Variants in NECAB1 observed in about 807,000 individuals in gnomAD.
NECAB1 encodes the protein N-terminal EF-hand calcium binding protein 1.
Under a neutral mutation model 57.5 loss-of-function variants are expected in NECAB1, and 29 were observed. The ratio of observed to expected loss-of-function variants is 0.50; its 90% CI spans 0.38 to 0.69. NECAB1 has a LOEUF of 0.69. Ranked by LOEUF, NECAB1 falls within the 30% of genes least tolerant of loss-of-function variation. The probability of loss-of-function intolerance (pLI) is 0.00; values close to 1 mark genes in which losing one functional copy is unlikely to be tolerated. For synonymous variants in NECAB1, 142 were observed against 147.7 expected (o/e 0.96, Z 0.28); for missense variants, 372 against 413.8 (o/e 0.90, Z 0.88).
chr8:90,837,935 A>G (rs1383837146), intron 3 of NECAB1, among the ~76,000 whole-genome samples: 1 of 152,044 alleles, frequency 6.6e-6, no homozygotes, highest in African/African-American at 2.4e-5. Flanking sequence ...CTAGCCCCAA[A>G]TTTTTGCCCT....
chr8:90,823,246 C>G (rs748068103), intron 2 of NECAB1, among the ~76,000 whole-genome samples: 100 of 151,832 alleles, frequency 6.6e-4, no homozygotes, highest in Non-Finnish European at 1.0e-3. Context: ...TATTCTACCT[C>G]TAAGGCTGTG....
In NECAB1 at chr8:90,849,589, A is replaced by T. The variant is rs1295212772; in HGVS notation, c.234-22539A>T. Among the ~76,000 whole-genome samples, 7 of 150,800 alleles carry T rather than the reference A, an allele frequency of 4.6e-5. No individual in the cohort carries two copies. The East Asian group carries it at 1.4e-3, about 29-fold the overall frequency. ...CCAGATAAGATTGACTTATAGGTTA[A>T]TATAGCAGAATAATTTGAATTGTTA... On this transcript the variant is annotated intron_variant, in intron 3 of 12. Coordinates refer to ENST00000417640, the MANE Select transcript of NECAB1 (RefSeq NM_022351.5).
At chr8:90,864,301 G>GAGGAAGGAAGCAAAGGTGGA (rs1363578056) in intron 3 of NECAB1, among the ~76,000 whole-genome samples, 27 of 126,488 alleles carry the variant, frequency 2.1e-4, no homozygotes, top group African/African-American at 7.2e-4. Flanking sequence ...GGAAGGAAGG[G>GAGGAAGGAAGCAAAGGTGGA]AGGAAGGAAG....
chr8:90,862,751 T>C (rs1008115659), intron 3 of NECAB1, among the ~76,000 whole-genome samples: 1 of 150,692 alleles, frequency 6.6e-6, no homozygotes, highest in African/African-American at 2.4e-5. Flanking sequence ...AGAAATTCTA[T>C]TGAATGTTGG....
chr8:90,842,686 T>C (rs1812474388), intron 3 of NECAB1, among the ~76,000 whole-genome samples: 1 of 152,262 alleles, frequency 6.6e-6, no homozygotes, highest in African/African-American at 2.4e-5. Flanking sequence ...GCATTTTCTG[T>C]AACAACACAA....
intron 2 of NECAB1, among the ~76,000 whole-genome samples, chr8:90,823,575 G>A (rs1812179937): frequency 6.6e-6 from 1 of 151,856 alleles, no homozygotes; most frequent in African/African-American, 2.4e-5. Context: ...TCCAGGCAAT[G>A]TGTGGGCCAT....
intron 6 of NECAB1, among the ~76,000 whole-genome samples, chr8:90,922,485 G>GTTTTTTTTTTTTTTTTTTTTTTTTT (rs1586127873): frequency 3.1e-5 from 2 of 65,218 alleles, no homozygotes; most frequent in Admixed American, 2.3e-4. Context: ...CAAAAACTTG[G>GTTTTTTTTTTTTTTTTTTTTTTTTT]ATTTTTTTTT....
intron 10 of NECAB1, among the ~76,000 whole-genome samples, chr8:90,941,934 C>T (rs1251983265): frequency 1.3e-5 from 2 of 152,158 alleles, no homozygotes; most frequent in African/African-American, 4.8e-5. Flanking sequence ...TTTCATAATG[C>T]TCTTCAAATG....
At chr8:90,825,304 C>G (rs1812207351) in intron 3 of NECAB1, among the ~76,000 whole-genome samples, 2 of 151,772 alleles carry the variant, frequency 1.3e-5, no homozygotes. Context: ...TCTGGAGAGC[C>G]AATGTATATG....
chr8:90,889,839 C>A (rs1458622806), intron 5 of NECAB1, among the ~76,000 whole-genome samples: 2 of 152,204 alleles, frequency 1.3e-5, no homozygotes, highest in Admixed American at 1.3e-4. Context: ...CTGCCATGTT[C>A]TATTACTAGA....
intron 5 of NECAB1, among the ~76,000 whole-genome samples, chr8:90,882,047 G>A (rs1379220604): frequency 6.6e-6 from 1 of 152,136 alleles, no homozygotes; most frequent in South Asian, 2.1e-4. Flanking sequence ...GCTAGGGAGG[G>A]CCCACATCTT....
intron 5 of NECAB1, among the ~76,000 whole-genome samples, chr8:90,885,321 T>C (rs1352159): frequency 0.54 from 81,316 of 151,950 alleles, 25,849 homozygotes; most frequent in African/African-American, 0.87. Flanking sequence ...TACCTGGCAA[T>C]CATGTCACTG....
chr8:90,861,585 G>C lies in NECAB1; in HGVS notation c.234-10543G>C, dbSNP rs560708212. Among the ~76,000 whole-genome samples the C allele has an allele frequency of 5.3e-5, 8 of 152,154 alleles. No homozygotes were observed. The South Asian group carries it at 1.7e-3, about 32-fold the overall frequency. On this transcript the variant is annotated intron_variant, in intron 3 of 12. Transcript: ENST00000417640. ...ATGACCAGGAGTCTCTTACCCCTTTGGTCTGCTGAAGCATAATTATCTAAG... is the reference window on the plus strand; with the variant it reads ...ATGACCAGGAGTCTCTTACCCCTTTCGTCTGCTGAAGCATAATTATCTAAG...
At chr8:90,895,857 C>T (rs575429586) in intron 5 of NECAB1, among the ~76,000 whole-genome samples, 499 of 152,302 alleles carry the variant, frequency 3.3e-3, no homozygotes, top group Non-Finnish European at 6.0e-3. Flanking sequence ...GGACTGTTTT[C>T]CTTCCTTTAA....
At chr8:90,842,422 G>A (rs1812470458) in intron 3 of NECAB1, among the ~76,000 whole-genome samples, 1 of 152,188 alleles carries the variant, frequency 6.6e-6, no homozygotes, top group Non-Finnish European at 1.5e-5. Context: ...TGGAGGGTAG[G>A]AGTGAGGGTT....
chr8:90,925,303 A>G (rs761612240), intron 6 of NECAB1, among the ~76,000 whole-genome samples: 4 of 152,152 alleles, frequency 2.6e-5, no homozygotes, highest in African/African-American at 9.7e-5. Flanking sequence ...TTAAATTACA[A>G]TTTTTACTCA....
chr8:90,869,621 C>G (rs777948584), intron 3 of NECAB1, among the ~76,000 whole-genome samples: 1 of 152,118 alleles, frequency 6.6e-6, no homozygotes, highest in African/African-American at 2.4e-5. Context: ...ACCTGTAGCC[C>G]TTTTTGTGTT....
At chr8:90,954,101 A>G (rs1000958229) in intron 12 of NECAB1, among the ~76,000 whole-genome samples, 3 of 150,878 alleles carry the variant, frequency 2.0e-5, no homozygotes, top group Non-Finnish European at 4.4e-5. Flanking sequence ...TAAATAAATA[A>G]ATAAATAAAT....
chr8:90,941,571 G>T (rs546570233), intron 10 of NECAB1, among the ~76,000 whole-genome samples: 1 of 152,168 alleles, frequency 6.6e-6, no homozygotes, highest in South Asian at 2.1e-4. Context: ...TCCCTTAACT[G>T]GGAACCTAAA....
Sources: allele counts gnomAD v4.1 joint callset (sites outside exome capture counted in the v4.1 genomes callset), GRCh38; gene constraint gnomAD v4.1.1; transcripts MANE v1.5; gene names NCBI Gene and HGNC (gene_info 2026-07-23, HGNC 2026-07-21).